Variants in MNAT1 observed in about 807,000 individuals in gnomAD.
MNAT1 encodes the protein CDK-activating kinase assembly factor MAT1.
A neutral mutation model predicts 42.0 loss-of-function variants in MNAT1; 43 were observed. The ratio of observed to expected loss-of-function variants is 1.02; its 90% CI spans 0.80 to 1.32. The LOEUF is 1.32. MNAT1 is among the 40% of genes most tolerant of loss of function. The probability of loss-of-function intolerance (pLI) is 0.00; values close to 1 mark genes in which losing one functional copy is unlikely to be tolerated. For synonymous variants in MNAT1, 118 were observed against 120.0 expected (o/e 0.98, Z 0.11); for missense variants, 306 against 350.4 (o/e 0.87, Z 1.01).
chr14:60,855,740 T>A (rs2033942474), intron 6 of MNAT1, among the ~76,000 whole-genome samples: 1 of 152,172 alleles, frequency 6.6e-6, no homozygotes, highest in South Asian at 2.1e-4. Flanking sequence ...ACTGTAGCTG[T>A]TCCTGTTCAG....
intron 6 of MNAT1, among the ~76,000 whole-genome samples, chr14:60,852,057 G>A (rs2033836955): frequency 6.6e-6 from 1 of 152,122 alleles, no homozygotes. Context: ...AATCCTTTGG[G>A]ATTGCTGGGT....
At chr14:60,884,380 G>A (rs2034616569) in intron 7 of MNAT1, among the ~76,000 whole-genome samples, 1 of 152,074 alleles carries the variant, frequency 6.6e-6, no homozygotes, top group Non-Finnish European at 1.5e-5. Context: ...ATTTGCATAT[G>A]TTGAACCATC....
chr14:60,775,540 T>C (rs1336360226), intron 1 of MNAT1, among the ~76,000 whole-genome samples: 1 of 152,164 alleles, frequency 6.6e-6, no homozygotes, highest in East Asian at 1.9e-4. Flanking sequence ...TAAGAATGAT[T>C]CAGAAGAGGA....
At chr14:60,782,734 G>A (rs76862540) in intron 1 of MNAT1, among the ~76,000 whole-genome samples, 2,080 of 152,256 alleles carry the variant, frequency 0.014, 45 homozygotes, top group African/African-American at 0.048. Context: ...TTCTCACAAG[G>A]AAGGAAACAG....
chr14:60,966,407 A>G (rs903418650), intron 7 of MNAT1, among the ~76,000 whole-genome samples: 5 of 152,296 alleles, frequency 3.3e-5, no homozygotes, highest in Middle Eastern at 3.4e-3. Flanking sequence ...GGTGTGCGCC[A>G]CCACACCCAG....
At chr14:60,821,984 TA>T (rs1318296764) in intron 6 of MNAT1, among the ~76,000 whole-genome samples, 1 of 152,222 alleles carries the variant, frequency 6.6e-6, no homozygotes, top group Non-Finnish European at 1.5e-5. Flanking sequence ...TAGATATATC[TA>T]AATTTCCATC....
intron 7 of MNAT1, among the ~76,000 whole-genome samples, chr14:60,938,017 T>G (rs1266024478): frequency 2.6e-5 from 4 of 152,118 alleles, no homozygotes; most frequent in Non-Finnish European, 5.9e-5. Context: ...TCACTCATGA[T>G]TTGGCTGTTT....
chr14:60,904,375 T>A (rs1245718796), intron 7 of MNAT1, among the ~76,000 whole-genome samples: 1 of 152,216 alleles, frequency 6.6e-6, no homozygotes, highest in Admixed American at 6.5e-5. Flanking sequence ...GTATTTGTTT[T>A]TTTGTTTGTT....
At chr14:60,885,848 T>C (rs1262290454) in intron 7 of MNAT1, among the ~76,000 whole-genome samples, 1 of 152,054 alleles carries the variant, frequency 6.6e-6, no homozygotes, top group Non-Finnish European at 1.5e-5. Context: ...AAAGTTAACA[T>C]CAAGGATCTT....
chr14:60,855,881 A>G (rs2033946523), intron 6 of MNAT1, among the ~76,000 whole-genome samples: 1 of 152,194 alleles, frequency 6.6e-6, no homozygotes, highest in African/African-American at 2.4e-5. Flanking sequence ...TAAGATAGGA[A>G]ACTTAATCGA....
At chr14:60,929,168 A>ATATATATATATAT (rs57837834) in intron 7 of MNAT1, among the ~76,000 whole-genome samples, 3 of 86,148 alleles carry the variant, frequency 3.5e-5, no homozygotes, top group African/African-American at 1.7e-4. Flanking sequence ...AAAAAAAAAA[A>ATATATATATATAT]AAATATATAT....
intron 7 of MNAT1, among the ~76,000 whole-genome samples, chr14:60,939,106 A>G (rs2036076861): frequency 6.6e-6 from 1 of 151,708 alleles, no homozygotes; most frequent in South Asian, 2.1e-4. Context: ...TATTGCATCT[A>G]TTTGATTCTT....
intron 1 of MNAT1, among the ~76,000 whole-genome samples, chr14:60,794,849 C>T (rs1464773980): frequency 6.6e-6 from 1 of 151,740 alleles, no homozygotes; most frequent in African/African-American, 2.4e-5. Context: ...AAGAAATCAA[C>T]TCTTCCCTAT....
intron 7 of MNAT1, among the ~76,000 whole-genome samples, chr14:60,934,705 G>A (rs947889441): frequency 9.9e-5 from 15 of 152,180 alleles, no homozygotes; most frequent in African/African-American, 3.6e-4. Context: ...AGTCTTGGGT[G>A]TGTCTTTATC....
chr14:60,891,890 G>T, intron 7 of MNAT1, among the ~76,000 whole-genome samples: 1 of 151,712 alleles, frequency 6.6e-6, no homozygotes, highest in East Asian at 1.9e-4. Flanking sequence ...TTTTCCTTGC[G>T]ATTTTTTTTG....
At chr14:60,932,131 A>G (rs1198919102) in intron 7 of MNAT1, among the ~76,000 whole-genome samples, 2 of 151,982 alleles carry the variant, frequency 1.3e-5, no homozygotes, top group African/African-American at 4.8e-5. Flanking sequence ...GTACAAACCT[A>G]TATATTAGGT....
At chr14:60,741,973 A>G (rs1206115745) in intron 1 of MNAT1, among the ~76,000 whole-genome samples, 1 of 151,964 alleles carries the variant, frequency 6.6e-6, no homozygotes, top group African/African-American at 2.4e-5. Flanking sequence ...GTTTCCTTGT[A>G]TTCCTTTGGT....
chr14:60,924,361 C>G (rs907923694), intron 7 of MNAT1, among the ~76,000 whole-genome samples: 11 of 139,222 alleles, frequency 7.9e-5, no homozygotes, highest in Admixed American at 3.1e-4. Flanking sequence ...TATTAAAGAG[C>G]TTTTCAAATT....
intron 7 of MNAT1, among the ~76,000 whole-genome samples, chr14:60,904,299 G>C (rs1338230694): frequency 2.0e-5 from 3 of 152,146 alleles, no homozygotes; most frequent in Non-Finnish European, 4.4e-5. Flanking sequence ...TACTATACTT[G>C]GTGGTAATTA....
Sources: gnomAD v4.1 joint callset for allele counts (sites outside exome capture counted in the v4.1 genomes callset) on GRCh38, gnomAD v4.1.1 for gene constraint, MANE v1.5 for transcripts, NCBI Gene and HGNC (gene_info 2026-07-23, HGNC 2026-07-21) for gene names.